AMZ2: variants seen among roughly 807,000 people sequenced by gnomAD.
AMZ2 encodes archaemetzincin-2.
AMZ2 carries 26 observed loss-of-function variants against 36.7 expected under a neutral mutation model. The observed-to-expected ratio is 0.71, with a 90% confidence interval of 0.52 to 0.98. The LOEUF (loss-of-function observed/expected upper bound fraction) is 0.98. Ranked by LOEUF, AMZ2 falls within the 50% of genes least tolerant of loss-of-function variation. AMZ2 has a pLI of 0.00. For synonymous variants in AMZ2, 144 were observed against 149.1 expected (o/e 0.97, Z 0.25); for missense variants, 394 against 430.5 (o/e 0.92, Z 0.75).
chr17:68,252,126 G>A (rs2074530952), intron 4 of AMZ2, among the ~76,000 whole-genome samples: 1 of 152,122 alleles, frequency 6.6e-6, no homozygotes, highest in Non-Finnish European at 1.5e-5. Flanking sequence ...AAGGGAAAAG[G>A]CCCCCTAAGG....
intron 1 of AMZ2, among the ~76,000 whole-genome samples, chr17:68,237,899 A>G (rs1378253249): frequency 2.0e-5 from 3 of 152,186 alleles, no homozygotes; most frequent in Admixed American, 6.5e-5. Context: ...CTAAAAGGAC[A>G]CAGAGGACGT....
chr17:68,227,081 C>T (rs568569458), intron 1 of AMZ2, among the ~76,000 whole-genome samples: 1 of 151,610 alleles, frequency 6.6e-6, no homozygotes, highest in Non-Finnish European at 1.5e-5. Context: ...GAACTGGAAC[C>T]CTTGTGTACA....
chr17:68,236,860 G>T (rs143242093), intron 1 of AMZ2, among the ~76,000 whole-genome samples: 1 of 152,066 alleles, frequency 6.6e-6, no homozygotes. Context: ...GATTACAGGC[G>T]TGAGCCACCA....
At position 68,256,983 on chromosome 17, in the gene AMZ2, G is replaced by A. The variant is rs782764523; in HGVS notation, c.*14G>A. 8 of 1,608,770 alleles carry A rather than the reference G, an allele frequency of 5.0e-6. No homozygotes were observed. The East Asian group carries it at 1.8e-4, about 36-fold the overall frequency. On this transcript the variant is annotated 3_prime_UTR_variant, in exon 7 of 7. Transcript: ENST00000359904. ...CTCCAAAAATGAGGACCTTCAAATA[G>A]GAGTGATTGAAATAAATAACTACTT...
At chr17:68,255,031 C>A (rs2074792486) in intron 5 of AMZ2, among the ~76,000 whole-genome samples, 1 of 152,184 alleles carries the variant, frequency 6.6e-6, no homozygotes, top group South Asian at 2.1e-4. Context: ...AAGCCTATCT[C>A]CCCTTTCTCC....
intron 4 of AMZ2, 84 bp from the exon 5 acceptor site, chr17:68,254,320 A>G: frequency 7.3e-7 from 1 of 1,363,496 alleles, no homozygotes; most frequent in South Asian, 1.4e-5. Flanking sequence ...CTCACTGGCC[A>G]GATGGGCCAG....
intron 1 of AMZ2, chr17:68,248,990 C>T (rs1284425186): frequency 2.1e-6 from 2 of 973,844 alleles, no homozygotes; most frequent in Non-Finnish European, 2.6e-6. Flanking sequence ...AGATGTTCAA[C>T]TTTTTCCTTA....
At chr17:68,227,944 T>G (rs2144582504) in intron 1 of AMZ2, among the ~76,000 whole-genome samples, 1 of 152,334 alleles carries the variant, frequency 6.6e-6, no homozygotes, top group Non-Finnish European at 1.5e-5. Context: ...GACCCTTGTA[T>G]TCACAGGTTC....
intron 6 of AMZ2, among the ~76,000 whole-genome samples, chr17:68,256,370 C>G (rs1277302458): frequency 6.6e-6 from 1 of 152,204 alleles, no homozygotes; most frequent in Non-Finnish European, 1.5e-5. Context: ...TGTGTCTACT[C>G]ATGGGTATGA....
chr17:68,251,483 A>G (rs2144731159), intron 4 of AMZ2: 1 of 214,966 alleles, frequency 4.7e-6, no homozygotes, highest in Non-Finnish European at 9.2e-6. Flanking sequence ...CATAGACCAC[A>G]TGTCTACAAA....
chr17:68,236,732 C>G (rs2073797933), intron 1 of AMZ2, among the ~76,000 whole-genome samples: 1 of 151,222 alleles, frequency 6.6e-6, no homozygotes, highest in African/African-American at 2.4e-5. Context: ...CCACCACATC[C>G]CAGCTAATTT....
chr17:68,212,026 T>G (rs1205536429), intron 1 of AMZ2, among the ~76,000 whole-genome samples: 1 of 151,958 alleles, frequency 6.6e-6, no homozygotes, highest in African/African-American at 2.4e-5. Context: ...TTTATATATC[T>G]CCAGAAAAAT....
At position 68,248,616 on chromosome 17, in the gene AMZ2, T is replaced by C. The variant is rs2074198917; in HGVS notation, c.-90T>C. 1.0e-6 allele frequency: 1 copy of C among 985,900 alleles called. No individual in the cohort carries two copies. The highest frequency in any genetic ancestry group is 1.2e-6 in the Non-Finnish European group (1 of 829,992). The allele number at this position is 985,900 out of a possible 1,614,324, so 61.1% of individuals were successfully genotyped here. A position where few individuals can be genotyped will look rare whatever the true frequency, so the allele number is the denominator to read the frequency against. On this transcript the variant is annotated 5_prime_UTR_variant, in exon 1 of 7. Coordinates refer to ENST00000359904, the MANE Select transcript of AMZ2 (RefSeq NM_016627.5). ...CTGCCTTTTTAATATTAAGATGAAG[T>C]CACACTCCACAACTTTCTTCCAGCC...
At chr17:68,207,035 G>C (rs1298258276) in intron 1 of AMZ2, 8 of 152,190 alleles carry the variant, frequency 5.3e-5, no homozygotes, top group Non-Finnish European at 1.0e-4. Flanking sequence ...TCATTTGATC[G>C]CTTTGCCTTG....
chr17:68,212,926 G>A (rs539332662), intron 1 of AMZ2, among the ~76,000 whole-genome samples: 1 of 152,048 alleles, frequency 6.6e-6, no homozygotes, highest in East Asian at 1.9e-4. Flanking sequence ...TGTTCTCTAT[G>A]GACTTTCTAC....
chr17:68,254,024 C>T (rs1251010320), intron 4 of AMZ2, among the ~76,000 whole-genome samples: 4 of 152,144 alleles, frequency 2.6e-5, no homozygotes, highest in African/African-American at 7.2e-5. Context: ...GGATTACAAT[C>T]GTGAGCCACC....
chr17:68,249,959 G>A (rs1460503435), intron 1 of AMZ2: 31 of 524,572 alleles, frequency 5.9e-5, no homozygotes, highest in Non-Finnish European at 1.0e-4. Flanking sequence ...TTTGTAATGG[G>A]AGCAGGTTCC....
chr17:68,234,526 C>T (rs1355436524), intron 1 of AMZ2, among the ~76,000 whole-genome samples: 7 of 151,464 alleles, frequency 4.6e-5, no homozygotes, highest in South Asian at 4.2e-4. Context: ...TTTGGGAGGC[C>T]GAGGTGGGAG....
upstream of AMZ2, among the ~76,000 whole-genome samples, chr17:68,246,396 G>C (rs1568367564): frequency 6.6e-6 from 1 of 151,974 alleles, no homozygotes; most frequent in African/African-American, 2.4e-5. Flanking sequence ...AAGATGTGCT[G>C]TAATTGTCTC....
Sources: allele counts gnomAD v4.1 joint callset (sites outside exome capture counted in the v4.1 genomes callset), GRCh38; gene constraint gnomAD v4.1.1; transcripts MANE v1.5; gene names NCBI Gene and HGNC (gene_info 2026-07-23, HGNC 2026-07-21).